The following DEFB112 variants were observed in gnomAD, a reference collection of about 807,000 sequenced individuals.
DEFB112 encodes the protein beta-defensin 112.
A neutral mutation model predicts 1.1 loss-of-function variants in DEFB112; 2 were observed. The observed-to-expected ratio is 1.85, with a 90% CI of 0.76 to 5.83. The LOEUF is 5.83. Among genes scored for constraint, DEFB112 ranks in the 30% most tolerant of loss-of-function variants. The pLI, the probability that DEFB112 is intolerant of heterozygous loss-of-function variation, is 0.05. For missense variants in DEFB112, 120 were observed against 94.4 expected, an observed-to-expected ratio of 1.27 and a Z score of -1.12; for synonymous variants, 40 against 31.2, an observed-to-expected ratio of 1.28 and a Z score of -0.93.
rs1774778649 is a variant in DEFB112, at chr6:50,043,474, A to G, written c.*101T>C. The G allele has an allele frequency of 1.4e-6, 1 of 734,712 alleles. No homozygotes were observed. Among genetic ancestry groups the G allele is most frequent in the Admixed American group, 2.5e-5 (1 of 39,476 alleles). 45.5% of individuals were successfully genotyped at this position (734,712 alleles called of 1,614,324 possible). ...ATATATTTTATTTAATTATTTATTC[A>G]TTATAGGTATGCATGCATGGAAATT... On this transcript the variant is annotated 3_prime_UTR_variant, in exon 2 of 2. Transcript: ENST00000651554.
intron 1 of DEFB112, among the ~76,000 whole-genome samples, chr6:50,047,817 AT>A (rs1774859192): frequency 2.6e-5 from 4 of 152,186 alleles, no homozygotes; most frequent in African/African-American, 9.7e-5. Context: ...ATATCCAAAA[AT>A]ATCAGTATTT....
At chr6:50,047,344 A>G (rs972022571) in intron 1 of DEFB112, among the ~76,000 whole-genome samples, 2 of 152,184 alleles carry the variant, frequency 1.3e-5, no homozygotes, top group Non-Finnish European at 2.9e-5. Context: ...AAGGGCATCC[A>G]GTGTTGGGTC....
intron 1 of DEFB112, among the ~76,000 whole-genome samples, chr6:50,048,226 C>T (rs919088305): frequency 1.3e-5 from 2 of 151,926 alleles, no homozygotes; most frequent in East Asian, 1.9e-4. Flanking sequence ...AGCACAATTA[C>T]ATTAAAACAT....
intron 1 of DEFB112, chr6:50,048,731 A>G (rs1774880478): frequency 1.0e-6 from 1 of 990,848 alleles, no homozygotes; most frequent in Non-Finnish European, 1.5e-6. Context: ...TATTTTCAGA[A>G]ATAAGGACAC....
At position 50,043,444 on chromosome 6, in the gene DEFB112, C is replaced by A. The variant is rs562820213; in HGVS notation, c.*131G>T. The A allele has an allele frequency of 3.2e-6, 2 of 621,550 alleles. No individual in the cohort carries two copies. The highest frequency in any genetic ancestry group is 2.9e-5 in the Admixed American group (1 of 34,060). 38.5% of individuals were successfully genotyped at this position (621,550 alleles called of 1,614,324 possible). On this transcript the variant is annotated 3_prime_UTR_variant, in exon 2 of 2. Transcript: ENST00000651554. ...GCACAATGTTTATAAAAATGTCCAG[C>A]TGAAATATATTTTATTTAATTATTT...
intron 1 of DEFB112, among the ~76,000 whole-genome samples, chr6:50,048,256 G>T (rs1379645239): frequency 2.6e-5 from 4 of 152,058 alleles, no homozygotes; most frequent in Non-Finnish European, 4.4e-5. Context: ...TAATAATGTT[G>T]CTGAGAACAA....
intron 1 of DEFB112, among the ~76,000 whole-genome samples, chr6:50,048,380 C>A: frequency 6.6e-6 from 1 of 152,070 alleles, no homozygotes; most frequent in East Asian, 1.9e-4. Flanking sequence ...TTGTTTTAAA[C>A]ATGAAATTCA....
At chr6:50,048,164 AT>A (rs1774866813) in intron 1 of DEFB112, among the ~76,000 whole-genome samples, 2 of 152,076 alleles carry the variant, frequency 1.3e-5, no homozygotes, top group African/African-American at 2.4e-5. Flanking sequence ...AAAAAAATAA[AT>A]ATGTCCAGCT....
At chr6:50,044,063 A>C (rs1366099496) in intron 1 of DEFB112, among the ~76,000 whole-genome samples, 5 of 152,066 alleles carry the variant, frequency 3.3e-5, no homozygotes, top group South Asian at 2.1e-4. Flanking sequence ...CAATGTATTA[A>C]TCTTCCTCTG....
chr6:50,044,839 A>G (rs72866716), intron 1 of DEFB112, among the ~76,000 whole-genome samples: 12,718 of 152,118 alleles, frequency 0.084, 726 homozygotes, highest in Middle Eastern at 0.2. Context: ...GTCTGTAAGT[A>G]TGCTTTCATC....
At chr6:50,044,088 T>C (rs1022229350) in intron 1 of DEFB112, among the ~76,000 whole-genome samples, 1 of 152,080 alleles carries the variant, frequency 6.6e-6, no homozygotes, top group Non-Finnish European at 1.5e-5. Context: ...TCTTGTACAT[T>C]GACTAGAACC....
Position 50,042,556 on chromosome 6 carries a change from A to C in DEFB112, c.*1019T>G, listed in dbSNP as rs1451477729. On this transcript the variant is annotated 3_prime_UTR_variant, in exon 2 of 2. Coordinates refer to ENST00000651554, the MANE Select transcript of DEFB112 (RefSeq NM_001369057.2). ...AACCAAGGCTGCCAGCCAAGGACAA[A>C]GCCTAGAGGACATTCTTTAAGTAAT... Among the ~76,000 whole-genome samples, 1 of 152,044 alleles carries C rather than the reference A, an allele frequency of 6.6e-6. No individual in the cohort carries two copies. Among genetic ancestry groups the C allele is most frequent in the Non-Finnish European group, 1.5e-5 (1 of 67,940 alleles).
At chr6:50,047,790 A>T (rs1168776642) in intron 1 of DEFB112, among the ~76,000 whole-genome samples, 2 of 152,188 alleles carry the variant, frequency 1.3e-5, no homozygotes, top group Non-Finnish European at 2.9e-5. Flanking sequence ...TTCTTTTCAT[A>T]TAACAATATA....
Position 50,043,476 on chromosome 6 carries a change from T to G in DEFB112, c.*99A>C, listed in dbSNP as rs1209904533. 1 of 753,150 alleles carries G rather than the reference T, an allele frequency of 1.3e-6. No homozygotes were observed. The highest frequency in any genetic ancestry group is 2.2e-6 in the Non-Finnish European group (1 of 451,214). 46.7% of individuals were successfully genotyped at this position (753,150 alleles called of 1,614,324 possible). ...ATATTTTATTTAATTATTTATTCAT[T>G]ATAGGTATGCATGCATGGAAATTAT... On this transcript the variant is annotated 3_prime_UTR_variant, in exon 2 of 2. Coordinates refer to ENST00000651554, the MANE Select transcript of DEFB112 (RefSeq NM_001369057.2).
At chr6:50,044,678 A>G (rs901852826) in intron 1 of DEFB112, among the ~76,000 whole-genome samples, 5 of 151,956 alleles carry the variant, frequency 3.3e-5, no homozygotes, top group Admixed American at 6.6e-5. Context: ...AATCTATATA[A>G]TAATTTTTAA....
At chr6:50,043,855 A>T (rs1774789439) in intron 1 of DEFB112, 54 bp from the exon 2 acceptor site, 2 of 1,454,766 alleles carry the variant, frequency 1.4e-6, no homozygotes, top group Non-Finnish European at 1.9e-6. Context: ...AACTCCCAAG[A>T]TTTAAAAGAA....
At chr6:50,046,901 T>G (rs1047263813) in intron 1 of DEFB112, among the ~76,000 whole-genome samples, 1 of 152,200 alleles carries the variant, frequency 6.6e-6, no homozygotes, top group East Asian at 1.9e-4. Flanking sequence ...TAGGGTTACA[T>G]GAGCTGGCCA....
At chr6:50,046,789 A>T (rs1234693990) in intron 1 of DEFB112, among the ~76,000 whole-genome samples, 4 of 152,164 alleles carry the variant, frequency 2.6e-5, no homozygotes, top group Non-Finnish European at 5.9e-5. Flanking sequence ...ACTGAAGGAA[A>T]TTTTGCCATT....
At chr6:50,048,464 A>G (rs1774872301) in intron 1 of DEFB112, 1 of 1,289,616 alleles carries the variant, frequency 7.8e-7, no homozygotes, top group Non-Finnish European at 1.1e-6. Flanking sequence ...ATATACTCAG[A>G]ATATTTACTT....
Sources: gnomAD v4.1 joint callset for allele counts (sites outside exome capture counted in the v4.1 genomes callset) on GRCh38, gnomAD v4.1.1 for gene constraint, MANE v1.5 for transcripts, NCBI Gene and HGNC (gene_info 2026-07-23, HGNC 2026-07-21) for gene names.